CYP20A1: variants seen among roughly 807,000 people sequenced by gnomAD.
CYP20A1 encodes the protein cytochrome P450 family 20 subfamily A member 1.
In CYP20A1, 61 loss-of-function variants were observed where a neutral mutation model predicts 61.4. The observed-to-expected ratio is 0.99, with a 90% CI of 0.81 to 1.23. The LOEUF (loss-of-function observed/expected upper bound fraction) is 1.23, where lower values mean the gene tolerates loss of function less well. Among genes scored for constraint, CYP20A1 ranks in the 50% most tolerant of loss-of-function variants. The pLI is 0.00. For missense variants in CYP20A1, 530 were observed against 542.4 expected, an observed-to-expected ratio of 0.98 and a Z score of 0.23; for synonymous variants, 193 against 188.2, an observed-to-expected ratio of 1.03 and a Z score of -0.21.
At position 203,299,095 on chromosome 2, in the gene CYP20A1, T is replaced by G. The variant is rs976379325; in HGVS notation, c.*2187T>G. ...ATTACACTTTAGCACTTATAAATTT[T>G]ATATATAATACTTTACTGATAGCAT... On this transcript the variant is annotated 3_prime_UTR_variant, in exon 13 of 13. Transcript: ENST00000356079. 6.6e-6 allele frequency among the ~76,000 whole-genome samples: 1 copy of G among 152,196 alleles called. No individual in the cohort carries two copies. The highest frequency in any genetic ancestry group is 2.4e-5 in the African/African-American group (1 of 41,458).
chr2:203,245,826 A>G lies in CYP20A1; in HGVS notation c.73-20A>G. On this transcript the variant is annotated intron_variant, in intron 1 of 12. Transcript: ENST00000356079. ...ATGGGATATATGATAATTCATTATT[A>G]TAAACTTTTTTTTTGTAAGGCTTCC... 1.9e-6 allele frequency: 3 copies of G among 1,547,430 alleles called. No homozygotes were observed. Among genetic ancestry groups the G allele is most frequent in the Non-Finnish European group, 2.7e-6 (3 of 1,125,640 alleles).
At chr2:203,285,937 A>G (rs1244337343) in intron 9 of CYP20A1, among the ~76,000 whole-genome samples, 1 of 152,212 alleles carries the variant, frequency 6.6e-6, no homozygotes, top group Non-Finnish European at 1.5e-5. Context: ...GTGAAATAGT[A>G]CTAATGAAGT....
intron 9 of CYP20A1, among the ~76,000 whole-genome samples, chr2:203,288,859 T>TAA (rs1559107044): frequency 6.6e-6 from 1 of 152,180 alleles, no homozygotes; most frequent in Non-Finnish European, 1.5e-5. Context: ...TTTTAATCTG[T>TAA]AAAATTAGAA....
intron 4 of CYP20A1, among the ~76,000 whole-genome samples, chr2:203,255,503 T>C (rs1349676005): frequency 1.3e-5 from 2 of 152,206 alleles, no homozygotes; most frequent in African/African-American, 4.8e-5. Context: ...ATACTCACAA[T>C]TGAAGGAAAT....
chr2:203,296,970 C>G lies in CYP20A1; in HGVS notation c.*62C>G, dbSNP rs2152116478. 1.0e-6 allele frequency: 1 copy of G among 971,970 alleles called. No homozygotes were observed. The highest frequency in any genetic ancestry group is 2.7e-5 in the East Asian group (1 of 36,488). 60.2% of individuals were successfully genotyped at this position (971,970 alleles called of 1,614,324 possible). A position where few individuals can be genotyped will look rare whatever the true frequency, so the allele number is the denominator to read the frequency against. ...AGGAAAACAACCATTTAAAAAAAATCTATGTTGAATCCTTTTATAAACCAG... is the reference window on the plus strand; with the variant it reads ...AGGAAAACAACCATTTAAAAAAAATGTATGTTGAATCCTTTTATAAACCAG... On this transcript the variant is annotated 3_prime_UTR_variant, in exon 13 of 13. Coordinates refer to ENST00000356079, the MANE Select transcript of CYP20A1 (RefSeq NM_177538.3).
At chr2:203,253,585 G>A (rs6704588) in intron 4 of CYP20A1, among the ~76,000 whole-genome samples, 68,335 of 152,110 alleles carry the variant, frequency 0.45, 17,022 homozygotes, top group Middle Eastern at 0.67. Flanking sequence ...GTTTTTATAA[G>A]CAGATTTACA....
intron 6 of CYP20A1, among the ~76,000 whole-genome samples, chr2:203,273,141 G>A (rs946520741): frequency 1.3e-5 from 2 of 151,972 alleles, no homozygotes; most frequent in African/African-American, 4.8e-5. Context: ...CACTGTGCCC[G>A]GCCTATATTT....
chr2:203,274,471 C>T lies in CYP20A1; in HGVS notation c.679+1723C>T, dbSNP rs535060766. On this transcript the variant is annotated intron_variant, in intron 6 of 12. Transcript: ENST00000356079. ...AAAGTGCTGGGATTACAGGTGTGAG[C>T]CACCACGTCCGGCCAATACTTTTAT... 8.5e-4 allele frequency among the ~76,000 whole-genome samples: 129 copies of T among 152,266 alleles called. 3 individuals carry two copies. In the South Asian group the frequency reaches 0.026, roughly 31 times the overall value.
intron 7 of CYP20A1, 105 bp from the exon 8 acceptor site, chr2:203,279,952 CTT>C: frequency 3.0e-6 from 2 of 657,300 alleles, no homozygotes; most frequent in Non-Finnish European, 2.3e-6. Context: ...AAATAATATA[CTT>C]TTTTTTTCAT....
At chr2:203,255,556 T>C (rs1221504837) in intron 4 of CYP20A1, among the ~76,000 whole-genome samples, 2 of 152,234 alleles carry the variant, frequency 1.3e-5, no homozygotes, top group African/African-American at 4.8e-5. Context: ...AAGATTGTTT[T>C]TTCCCCTGAT....
Position 203,251,298 on chromosome 2 carries a change from C to T in CYP20A1, c.290-669C>T, listed in dbSNP as rs186713479. Among the ~76,000 whole-genome samples, 196 of 151,338 alleles carry T rather than the reference C, an allele frequency of 1.3e-3. 6 individuals carry two copies. The highest frequency in any genetic ancestry group is 2.2e-3 in the Admixed American group (33 of 15,124). ...ACTGTAATACTTGATAACCACAAAT[C>T]ACAAACTTATCCATTTTGCTTTAAA... is the stretch of plus-strand genomic sequence containing the variant. On this transcript the variant is annotated intron_variant, in intron 3 of 12. Transcript: ENST00000356079.
At chr2:203,240,963 C>T (rs1215198769) in intron 1 of CYP20A1, among the ~76,000 whole-genome samples, 3 of 152,036 alleles carry the variant, frequency 2.0e-5, no homozygotes, top group African/African-American at 7.3e-5. Flanking sequence ...ACATGGGTCT[C>T]CAGGTAAGGA....
intron 5 of CYP20A1, among the ~76,000 whole-genome samples, chr2:203,268,294 C>T (rs761927056): frequency 6.6e-6 from 1 of 152,192 alleles, no homozygotes; most frequent in Non-Finnish European, 1.5e-5. Context: ...TGTGGATTCT[C>T]AGTCTCCTCC....
chr2:203,252,144 A>C (rs2066715078), intron 4 of CYP20A1, 35 bp downstream of exon 4: 3 of 1,522,926 alleles, frequency 2.0e-6, no homozygotes, highest in Non-Finnish European at 2.7e-6. Context: ...AGTGTTCTAC[A>C]ACATAAATAA....
intron 3 of CYP20A1, among the ~76,000 whole-genome samples, chr2:203,248,824 C>G (rs1346322033): frequency 1.3e-5 from 2 of 152,164 alleles, no homozygotes; most frequent in African/African-American, 4.8e-5. Flanking sequence ...ATCCTCCCAC[C>G]TCAGCCTCCT....
intron 9 of CYP20A1, among the ~76,000 whole-genome samples, chr2:203,289,536 A>G (rs957100625): frequency 6.6e-6 from 1 of 151,946 alleles, no homozygotes; most frequent in Non-Finnish European, 1.5e-5. Context: ...AGAGTTATAT[A>G]CAGATTTATA....
In CYP20A1 at chr2:203,252,037, C is replaced by A. The variant is rs767360286; in HGVS notation, c.360C>A (p.Asn120Lys). 8.1e-6 allele frequency: 13 copies of A among 1,610,776 alleles called. No individual in the cohort carries two copies. In the East Asian group the frequency reaches 2.9e-4, roughly 36 times the overall value. The change falls in exon 4 of 13, where the codon AAC (asparagine) becomes AAA (lysine). Residue 120 changes from asparagine (N) to lysine (K), a missense_variant. Transcript: ENST00000356079. ...YQSGGGSVSENHMRKKLYENG... is the reference protein window; with the variant it reads ...YQSGGGSVSEKHMRKKLYENG... ...CTGGTGGTGGCAGTGTGAGTGAAAA[C>A]CACATGAGGAAAAAATTGTATGAAA...
intron 11 of CYP20A1, among the ~76,000 whole-genome samples, chr2:203,295,028 C>T (rs1156333678): frequency 7.6e-6 from 1 of 132,116 alleles, no homozygotes. Flanking sequence ...TCCCGGCTCA[C>T]TGCAAGCTCC....
At chr2:203,296,413 G>T in intron 11 of CYP20A1, 61 bp from the exon 12 acceptor site, 1 of 972,002 alleles carries the variant, frequency 1.0e-6, no homozygotes, top group Non-Finnish European at 1.6e-6. Flanking sequence ...TGTTCTTTTA[G>T]TGTCAACATG....
Sources: allele counts gnomAD v4.1 joint callset (sites outside exome capture counted in the v4.1 genomes callset), GRCh38; gene constraint gnomAD v4.1.1; transcripts MANE v1.5; gene names NCBI Gene and HGNC (gene_info 2026-07-23, HGNC 2026-07-21).